Variants in AK4 observed in about 807,000 individuals in gnomAD.
AK4 encodes adenylate kinase 4, mitochondrial.
Under a neutral mutation model 24.6 loss-of-function variants are expected in AK4, and 13 were observed. The observed-to-expected ratio is 0.53, with a 90% CI of 0.34 to 0.84. The LOEUF is 0.84. AK4 is among the 40% of genes least tolerant of loss of function. The pLI is 0.01. For missense variants in AK4, 192 were observed against 288.2 expected (o/e 0.67, Z 2.42); for synonymous variants, 88 against 107.0 (o/e 0.82, Z 1.10).
intron 3 of AK4, among the ~76,000 whole-genome samples, chr1:65,223,377 C>T (rs1391167745): frequency 6.6e-6 from 1 of 151,616 alleles, no homozygotes; most frequent in Non-Finnish European, 1.5e-5. Flanking sequence ...TTAGTAGAGA[C>T]GGGGTTTTGC....
chr1:65,224,999 TC>T, intron 4 of AK4, 129 bp downstream of exon 4: 2 of 622,440 alleles, frequency 3.2e-6, no homozygotes, highest in Non-Finnish European at 5.6e-6. Context: ...TCCAAAACCT[TC>T]CCAGAAGTCA....
chr1:65,163,433 A>C (rs1365275984), intron 1 of AK4, among the ~76,000 whole-genome samples: 1 of 152,232 alleles, frequency 6.6e-6, no homozygotes, highest in Non-Finnish European at 1.5e-5. Context: ...CGGAAGTGAG[A>C]TACAGAATGG....
At chr1:65,147,616 C>T (rs1334990563), upstream of AK4, 5 of 152,026 alleles carry the variant, frequency 3.3e-5, no homozygotes, top group Admixed American at 1.3e-4. Flanking sequence ...GGCGGCGCCG[C>T]CCTGCAGGAT....
At chr1:65,202,521 A>T (rs1412362776) in intron 2 of AK4, among the ~76,000 whole-genome samples, 1 of 152,206 alleles carries the variant, frequency 6.6e-6, no homozygotes, top group African/African-American at 2.4e-5. Flanking sequence ...GTTCAGATGC[A>T]CCTAGCCCAT....
At chr1:65,197,673 C>A (rs576617816) in intron 2 of AK4, among the ~76,000 whole-genome samples, 7 of 152,336 alleles carry the variant, frequency 4.6e-5, no homozygotes, top group African/African-American at 1.4e-4. Flanking sequence ...GCTACGCACT[C>A]ACTTAGAGCC....
intron 1 of AK4, among the ~76,000 whole-genome samples, chr1:65,163,568 T>A (rs1650238614): frequency 6.6e-6 from 1 of 152,198 alleles, no homozygotes. Context: ...AGTCACATAC[T>A]CCTAAATTAG....
At chr1:65,159,404 C>T (rs1380609745) in intron 1 of AK4, among the ~76,000 whole-genome samples, 1 of 152,166 alleles carries the variant, frequency 6.6e-6, no homozygotes, top group Admixed American at 6.5e-5. Flanking sequence ...ACGCCTGTAA[C>T]CCAGCACTTT....
At chr1:65,167,997 G>A (rs886768408) in intron 1 of AK4, among the ~76,000 whole-genome samples, 3 of 152,032 alleles carry the variant, frequency 2.0e-5, no homozygotes, top group East Asian at 1.9e-4. Flanking sequence ...AAGAAAAATA[G>A]CCCCAGTTCT....
chr1:65,188,027 T>G (rs1651161677), intron 1 of AK4, among the ~76,000 whole-genome samples: 1 of 152,148 alleles, frequency 6.6e-6, no homozygotes, highest in Non-Finnish European at 1.5e-5. Flanking sequence ...TCACAGCCCA[T>G]CTTTCAGTGC....
chr1:65,205,089 C>T (rs191254594), intron 2 of AK4, among the ~76,000 whole-genome samples: 1 of 152,264 alleles, frequency 6.6e-6, no homozygotes. Context: ...CCTCCCTCCT[C>T]TCCCCTCCCT....
Position 65,218,715 on chromosome 1 carries a change from A to T in AK4, c.266-39A>T, listed in dbSNP as rs201667864. On this transcript the variant is annotated intron_variant, in intron 2 of 4. Transcript: ENST00000327299. Reference sequence around the variant, plus strand: ...TTTCAAGAACTAATTGGAACTGGGCAATAGCTTGCATTTCACTTGTTTTGT... The same window carrying T: ...TTTCAAGAACTAATTGGAACTGGGCTATAGCTTGCATTTCACTTGTTTTGT... 4.0e-5 allele frequency: 62 copies of T among 1,539,928 alleles called. No individual in the cohort carries two copies. The African/African-American group carries it at 8.2e-4, about 20-fold the overall frequency.
intron 2 of AK4, among the ~76,000 whole-genome samples, chr1:65,206,303 G>A (rs1651810491): frequency 6.6e-6 from 1 of 152,152 alleles, no homozygotes; most frequent in Admixed American, 6.5e-5. Context: ...ATCTGTAGCT[G>A]AGCCTTTAGA....
intron 2 of AK4, among the ~76,000 whole-genome samples, chr1:65,217,645 A>G (rs556813759): frequency 6.6e-6 from 1 of 152,294 alleles, no homozygotes; most frequent in South Asian, 2.1e-4. Context: ...AAACAGGTCA[A>G]TCTCTGAAGA....
At chr1:65,164,239 C>T (rs1469872139) in intron 1 of AK4, among the ~76,000 whole-genome samples, 3 of 152,188 alleles carry the variant, frequency 2.0e-5, no homozygotes, top group Admixed American at 6.5e-5. Context: ...GTTTGGCCTA[C>T]ACCCAGGAAT....
Position 65,212,706 on chromosome 1 carries a change from G to T in AK4, c.266-6048G>T, listed in dbSNP as rs1181856656. Among the ~76,000 whole-genome samples the T allele has an allele frequency of 2.0e-5, 3 of 152,014 alleles. No individual in the cohort carries two copies. In the East Asian group the frequency reaches 5.8e-4, roughly 29 times the overall value. Reference sequence around the variant, plus strand: ...GTCTCACTATGTTGCCCAGGCTGGAGGATTCTTTTTAACAATTACTTTTTA... The same window carrying T: ...GTCTCACTATGTTGCCCAGGCTGGATGATTCTTTTTAACAATTACTTTTTA... On this transcript the variant is annotated intron_variant, in intron 2 of 4. Coordinates refer to ENST00000327299, the MANE Select transcript of AK4 (RefSeq NM_013410.4).
intron 1 of AK4, among the ~76,000 whole-genome samples, chr1:65,188,939 T>G (rs1651197290): frequency 6.6e-6 from 1 of 151,692 alleles, no homozygotes; most frequent in Non-Finnish European, 1.5e-5. Context: ...CTAATTTATT[T>G]TTTTATTTTT....
chr1:65,189,037 G>A (rs889473356), intron 1 of AK4, among the ~76,000 whole-genome samples: 5 of 151,974 alleles, frequency 3.3e-5, no homozygotes, highest in Admixed American at 3.3e-4. Context: ...GGATTCAAGC[G>A]ATTCTCCTGT....
intron 1 of AK4, among the ~76,000 whole-genome samples, chr1:65,163,204 T>A (rs534410933): frequency 8.5e-5 from 13 of 152,340 alleles, no homozygotes; most frequent in South Asian, 6.2e-4. Context: ...AGCAGCTGCA[T>A]CATTTTACCT....
chr1:65,168,214 C>T (rs1650397319), intron 1 of AK4, among the ~76,000 whole-genome samples: 1 of 150,378 alleles, frequency 6.6e-6, no homozygotes, highest in Non-Finnish European at 1.5e-5. Flanking sequence ...ATGGTGCGAC[C>T]TCAGCTTATT....
Sources: allele counts gnomAD v4.1 joint callset (sites outside exome capture counted in the v4.1 genomes callset), GRCh38; gene constraint gnomAD v4.1.1; transcripts MANE v1.5; gene names NCBI Gene and HGNC (gene_info 2026-07-23, HGNC 2026-07-21).